The following EIF4G3 variants were observed in gnomAD, a reference collection of about 807,000 sequenced individuals.
EIF4G3 encodes the protein eukaryotic translation initiation factor 4 gamma 3.
A neutral mutation model predicts 186.4 loss-of-function variants in EIF4G3; 34 were observed. The ratio of observed to expected loss-of-function variants is 0.18; its 90% CI spans 0.14 to 0.24. EIF4G3 has a LOEUF of 0.24. Ranked by LOEUF, EIF4G3 falls within the 10% of genes least tolerant of loss-of-function variation. The probability of loss-of-function intolerance (pLI) is 1.00; values close to 1 mark genes in which losing one functional copy is unlikely to be tolerated. For missense variants in EIF4G3, 1,536 were observed against 1,948.5 expected, an observed-to-expected ratio of 0.79 and a Z score of 3.99; for synonymous variants, 673 against 679.5, an observed-to-expected ratio of 0.99 and a Z score of 0.15.
chr1:20,944,805 G>A (rs1332188231), intron 13 of EIF4G3, among the ~76,000 whole-genome samples: 1 of 151,642 alleles, frequency 6.6e-6, no homozygotes, highest in African/African-American at 2.4e-5. Context: ...GAGGCCAAGG[G>A]GGAGGATCAC....
intron 2 of EIF4G3, among the ~76,000 whole-genome samples, chr1:21,140,229 G>T (rs2097314108): frequency 6.6e-6 from 1 of 152,128 alleles, no homozygotes; most frequent in Non-Finnish European, 1.5e-5. Context: ...TTGCAAAGAA[G>T]GCAATAACCT....
intron 33 of EIF4G3, among the ~76,000 whole-genome samples, chr1:20,819,823 CT>C (rs1166364078): frequency 2.6e-5 from 4 of 152,120 alleles, no homozygotes; most frequent in African/African-American, 9.6e-5. Flanking sequence ...ACATGTACCC[CT>C]GACCTTAAAA....
At chr1:20,922,695 T>C (rs2094567447) in intron 14 of EIF4G3, among the ~76,000 whole-genome samples, 2 of 152,228 alleles carry the variant, frequency 1.3e-5, no homozygotes, top group Non-Finnish European at 2.9e-5. Flanking sequence ...ATCAGGCCCA[T>C]TTACTGCTCT....
chr1:20,864,289 C>G (rs928609862), intron 22 of EIF4G3, among the ~76,000 whole-genome samples, 187 bp downstream of exon 22: 1 of 152,188 alleles, frequency 6.6e-6, no homozygotes, highest in African/African-American at 2.4e-5. Flanking sequence ...TGGGACCCTC[C>G]TCATCTCTGA....
intron 2 of EIF4G3, among the ~76,000 whole-genome samples, chr1:21,146,102 A>G (rs2097435501): frequency 6.6e-6 from 1 of 151,726 alleles, no homozygotes; most frequent in African/African-American, 2.4e-5. Flanking sequence ...CTCCAAAACT[A>G]AAAAAAATTG....
chr1:21,113,353 T>A (rs1357059146), intron 2 of EIF4G3, among the ~76,000 whole-genome samples: 4 of 151,996 alleles, frequency 2.6e-5, no homozygotes, highest in African/African-American at 9.7e-5. Flanking sequence ...GACAGAAGAA[T>A]GAATTCTTAC....
At chr1:20,809,785 C>G (rs1208845405) in intron 36 of EIF4G3, among the ~76,000 whole-genome samples, 1 of 152,124 alleles carries the variant, frequency 6.6e-6, no homozygotes, top group East Asian at 1.9e-4. Context: ...AATTCAGTTC[C>G]TAAGTCACAA....
At chr1:20,945,339 A>G (rs541513651) in intron 13 of EIF4G3, among the ~76,000 whole-genome samples, 1 of 152,312 alleles carries the variant, frequency 6.6e-6, no homozygotes, top group Admixed American at 6.5e-5. Flanking sequence ...AAATCAACTA[A>G]ATGTTCAACA....
At chr1:21,029,384 C>T (rs569913643) in intron 4 of EIF4G3, among the ~76,000 whole-genome samples, 3 of 152,096 alleles carry the variant, frequency 2.0e-5, no homozygotes, top group East Asian at 1.9e-4. Flanking sequence ...GCAGAGCCAT[C>T]CATCCTGGGA....
intron 7 of EIF4G3, among the ~76,000 whole-genome samples, chr1:20,984,424 C>A (rs972209505): frequency 6.6e-6 from 1 of 151,564 alleles, no homozygotes; most frequent in African/African-American, 2.4e-5. Context: ...TTGGCCTCCC[C>A]CAAAGTGCTG....
At chr1:20,849,760 A>G (rs2072645900) in intron 28 of EIF4G3, among the ~76,000 whole-genome samples, 1 of 152,206 alleles carries the variant, frequency 6.6e-6, no homozygotes. Context: ...AACTTTCCTA[A>G]TTAAAGCTTT....
intron 20 of EIF4G3, among the ~76,000 whole-genome samples, chr1:20,867,637 G>T (rs1314009704): frequency 6.6e-6 from 1 of 152,116 alleles, no homozygotes; most frequent in Non-Finnish European, 1.5e-5. Flanking sequence ...AACTAGTATG[G>T]CTATATTAAA....
In EIF4G3 at chr1:20,980,392, T is replaced by C. The variant is rs1168081480; in HGVS notation, c.435A>G (p.Pro145=). Reference sequence around the variant, plus strand: ...CAGGATAAAAAGGACCTGGCCCCGGTGGTTGAACTGGATATTGTTGGGGGG... The same window carrying C: ...CAGGATAAAAAGGACCTGGCCCCGGCGGTTGAACTGGATATTGTTGGGGGG... ...VGPPQQYPVQ[P]PGPGPFYPGP... Residue 145 remains proline, a synonymous_variant, in exon 10 of 37, where the codon CCA becomes CCG. Coordinates refer to ENST00000602326, the MANE Select transcript of EIF4G3 (RefSeq NM_001391906.1). 6.5e-7 allele frequency: 1 copy of C among 1,546,566 alleles called. No individual in the cohort carries two copies. Among genetic ancestry groups the C allele is most frequent in the African/African-American group, 1.4e-5 (1 of 69,272 alleles).
At chr1:20,962,918 TG>T (rs1233792138) in intron 12 of EIF4G3, among the ~76,000 whole-genome samples, 14 of 140,360 alleles carry the variant, frequency 1.0e-4, no homozygotes, top group South Asian at 6.8e-4. Context: ...GTTTTTTTTT[TG>T]TTTTTTTTTT....
chr1:21,023,237 C>T (rs1396882403), intron 4 of EIF4G3, among the ~76,000 whole-genome samples: 10 of 39,382 alleles, frequency 2.5e-4, no homozygotes, highest in African/African-American at 7.0e-4. Context: ...CTCCCTCCCC[C>T]TCCCCTCCCC....
chr1:20,858,442 C>A (rs188938912), intron 24 of EIF4G3, among the ~76,000 whole-genome samples: 1 of 152,270 alleles, frequency 6.6e-6, no homozygotes, highest in East Asian at 1.9e-4. Flanking sequence ...AACACCCTCA[C>A]TTGCTTCAGG....
rs144941401 is a variant in EIF4G3, at chr1:21,123,516, G to T, written c.-271-34303C>A. ...GGAGGCAAAGGTTACAGTGGGCCAA[G>T]ATTGCACCACTGCATTCCAGCCTGG... On this transcript the variant is annotated intron_variant, in intron 2 of 36. Transcript: ENST00000602326. 1.9e-3 allele frequency among the ~76,000 whole-genome samples: 282 copies of T among 147,116 alleles called. 1 individual carries two copies. Among genetic ancestry groups the T allele is most frequent in the African/African-American group, 6.3e-3 (249 of 39,620 alleles).
chr1:20,871,516 G>A (rs943315773), intron 20 of EIF4G3, among the ~76,000 whole-genome samples: 3 of 152,170 alleles, frequency 2.0e-5, no homozygotes, highest in Non-Finnish European at 4.4e-5. Flanking sequence ...TTTATTCACT[G>A]TCTTCAGTTT....
intron 8 of EIF4G3, among the ~76,000 whole-genome samples, chr1:20,981,541 A>C (rs937037231): frequency 3.0e-5 from 4 of 132,562 alleles, no homozygotes; most frequent in Non-Finnish European, 6.1e-5. Context: ...GTATACGCAC[A>C]TACTGTATGT....
Sources: allele counts gnomAD v4.1 joint callset (sites outside exome capture counted in the v4.1 genomes callset), GRCh38; gene constraint gnomAD v4.1.1; transcripts MANE v1.5; gene names NCBI Gene and HGNC (gene_info 2026-07-23, HGNC 2026-07-21).